Variants in AK7 observed in about 807,000 individuals in gnomAD.
The protein encoded by AK7 is ATP-AMP transphosphorylase 7.
In AK7, 78 loss-of-function variants were observed where a neutral mutation model predicts 96.6. The ratio of observed to expected loss-of-function variants is 0.81; its 90% confidence interval spans 0.67 to 0.97. The LOEUF (loss-of-function observed/expected upper bound fraction) is 0.97. AK7 is among the 50% of genes least tolerant of loss of function. The pLI, the probability that AK7 is intolerant of heterozygous loss-of-function variation, is 0.00. For synonymous variants in AK7, 302 were observed against 317.2 expected (o/e 0.95, Z 0.51); for missense variants, 855 against 887.9 (o/e 0.96, Z 0.47).
chr14:96,485,424 G>C (rs191069771), intron 16 of AK7, among the ~76,000 whole-genome samples: 2 of 152,268 alleles, frequency 1.3e-5, no homozygotes, highest in Non-Finnish European at 2.9e-5. Flanking sequence ...CACTCTCTCT[G>C]TAGGTATGTG....
rs1300361615 is a variant in AK7, at chr14:96,483,285, C to A, written c.1974+66C>A. 5.4e-6 allele frequency: 8 copies of A among 1,486,784 alleles called. No individual in the cohort carries two copies. In the East Asian group the frequency reaches 2.0e-4, roughly 37 times the overall value. The allele number at this position is 1,486,784 out of a possible 1,614,324, so 92.1% of individuals were successfully genotyped here. A position where few individuals can be genotyped will look rare whatever the true frequency, so the allele number is the denominator to read the frequency against. On this transcript the variant is annotated intron_variant, in intron 16 of 17. Transcript: ENST00000267584. ...ACAGGGGTGCGGTGCCTGGCAAAGCCATTTAGGCCAGTTCCACTTCCCATC... is the reference window on the plus strand; with the variant it reads ...ACAGGGGTGCGGTGCCTGGCAAAGCAATTTAGGCCAGTTCCACTTCCCATC...
chr14:96,447,162 G>A (rs1777705803), intron 8 of AK7, among the ~76,000 whole-genome samples: 1 of 152,130 alleles, frequency 6.6e-6, no homozygotes, highest in South Asian at 2.1e-4. Flanking sequence ...AGGTTAAGAA[G>A]ATGGCGATCA....
rs1891644740 is a variant in AK7, at chr14:96,420,869, G to C, written c.546G>C (p.Lys182Asn). The C allele has an allele frequency of 1.9e-6, 3 of 1,613,880 alleles. No individual in the cohort carries two copies. The highest frequency in any genetic ancestry group is 2.7e-5 in the African/African-American group (2 of 75,050). The change falls in exon 5 of 18, where the codon AAG (lysine) becomes AAC (asparagine). Residue 182 changes from lysine (K) to asparagine (N), a missense_variant. Physicochemically the swap from Lys to Asn is moderately conservative, Grantham distance 94. Coordinates refer to ENST00000267584, the MANE Select transcript of AK7 (RefSeq NM_152327.5). ...CTGAAGAAGATTATCGAAGAAGAAA[G>C]TCTCATCCTAATTTTCTGGACCACA... Reference protein sequence around the residue: ...PFTEEDYRRRKSHPNFLDHIN... With the variant: ...PFTEEDYRRRNSHPNFLDHIN...
Position 96,446,424 on chromosome 14 carries a change from G to A in AK7, c.780-93G>A, listed in dbSNP as rs1893236340. On this transcript the variant is annotated intron_variant, in intron 7 of 17. Transcript: ENST00000267584. The stretch of plus-strand genomic sequence containing the variant: ...AACTTATCAAAGCACCAAACCCCAC[G>A]CCCAGCCATGGGGGTGGTGGTCAGT... 17 of 1,060,550 alleles carry A rather than the reference G, an allele frequency of 1.6e-5. No individual in the cohort carries two copies. In the East Asian group the frequency reaches 1.7e-4, roughly 10 times the overall value. The allele number at this position is 1,060,550 out of a possible 1,614,324, so 65.7% of individuals were successfully genotyped here. A position where few individuals can be genotyped will look rare whatever the true frequency, so the allele number is the denominator to read the frequency against.
At chr14:96,427,260 A>C (rs976920498) in intron 5 of AK7, among the ~76,000 whole-genome samples, 1 of 152,218 alleles carries the variant, frequency 6.6e-6, no homozygotes, top group African/African-American at 2.4e-5. Context: ...ACAAACAAAA[A>C]AAAATTGGTT....
intron 1 of AK7, among the ~76,000 whole-genome samples, chr14:96,393,347 G>A (rs984153435): frequency 3.3e-5 from 5 of 152,202 alleles, no homozygotes; most frequent in African/African-American, 9.6e-5. Context: ...GCTACAGTAC[G>A]TACAATCTGT....
chr14:96,471,332 TTAA>T, intron 12 of AK7, 143 bp from the exon 13 acceptor site: 15 of 396,254 alleles, frequency 3.8e-5, no homozygotes, highest in East Asian at 4.6e-5. Flanking sequence ...CCCCGTCTCT[TTAA>T]AAAAAAAAAA....
intron 5 of AK7, among the ~76,000 whole-genome samples, chr14:96,431,563 G>T (rs1050844221): frequency 1.3e-5 from 2 of 151,796 alleles, no homozygotes; most frequent in African/African-American, 4.8e-5. Context: ...CATGTTATGC[G>T]GTTTTGAGTG....
chr14:96,425,956 C>A (rs887154001), intron 5 of AK7, among the ~76,000 whole-genome samples: 1 of 152,026 alleles, frequency 6.6e-6, no homozygotes, highest in Non-Finnish European at 1.5e-5. Context: ...TTGTTTTTTT[C>A]ATCAATTCAG....
intron 5 of AK7, among the ~76,000 whole-genome samples, chr14:96,436,823 T>C (rs1356636556): frequency 2.6e-5 from 4 of 152,058 alleles, no homozygotes; most frequent in Admixed American, 2.0e-4. Context: ...CTACTGTGCA[T>C]TTCACCTTCC....
At chr14:96,397,619 T>G (rs1408603195) in intron 1 of AK7, among the ~76,000 whole-genome samples, 2 of 151,938 alleles carry the variant, frequency 1.3e-5, no homozygotes, top group Non-Finnish European at 2.9e-5. Context: ...AATTTAAAAC[T>G]ACATAAGTGC....
At chr14:96,466,382 GC>G (rs1473826151) in intron 12 of AK7, among the ~76,000 whole-genome samples, 1 of 151,834 alleles carries the variant, frequency 6.6e-6, no homozygotes, top group Non-Finnish European at 1.5e-5. Flanking sequence ...GACTACAGGC[GC>G]CCGCCACCAC....
chr14:96,471,450 A>C (rs1429306715), intron 12 of AK7, 28 bp from the exon 13 acceptor site: 12 of 1,251,058 alleles, frequency 9.6e-6, no homozygotes, highest in Non-Finnish European at 1.2e-5. Context: ...CATTATAAGT[A>C]ATATATACAT....
At position 96,398,117 on chromosome 14, in the gene AK7, A is replaced by G. The variant is rs1236134849; in HGVS notation, c.148A>G (p.Thr50Ala). The change falls in exon 2 of 18, where the codon ACA becomes GCA. Residue 50 changes from threonine (T) to alanine (A), a missense_variant. Physicochemically the swap from Thr to Ala is moderately conservative, Grantham distance 58 (BLOSUM62 0). Coordinates refer to ENST00000267584, the MANE Select transcript of AK7 (RefSeq NM_152327.5). ...AGTTGGGGCTTCGCTTGAAGAAATT[A>G]CAGAGGAAGAGGAAGAGGAAGATGA... ...CVVGASLEEI[T>A]EEEEEEDENK... 1.2e-6 allele frequency: 2 copies of G among 1,614,024 alleles called. No homozygotes were observed. Among genetic ancestry groups the G allele is most frequent in the African/African-American group, 2.7e-5 (2 of 74,926 alleles).
chr14:96,458,434 A>G (rs1486532433), intron 12 of AK7, among the ~76,000 whole-genome samples: 1 of 151,832 alleles, frequency 6.6e-6, no homozygotes, highest in Non-Finnish European at 1.5e-5. Context: ...CATCTCTACA[A>G]AAAAATACAA....
intron 4 of AK7, among the ~76,000 whole-genome samples, chr14:96,416,149 C>A (rs1034438319): frequency 2.6e-5 from 4 of 152,026 alleles, no homozygotes; most frequent in African/African-American, 9.7e-5. Context: ...ATTGGGAAGC[C>A]GAGGCAGGTG....
chr14:96,458,929 A>G (rs1286343376), intron 12 of AK7, among the ~76,000 whole-genome samples: 8 of 140,912 alleles, frequency 5.7e-5, no homozygotes, highest in South Asian at 4.5e-4. Flanking sequence ...AAAAAAAAAA[A>G]AAAAAAAAAG....
chr14:96,447,039 G>C (rs1164047144), intron 8 of AK7, among the ~76,000 whole-genome samples: 1 of 152,184 alleles, frequency 6.6e-6, no homozygotes, highest in African/African-American at 2.4e-5. Context: ...AAGAATATCC[G>C]TAAAACCCAA....
intron 5 of AK7, among the ~76,000 whole-genome samples, chr14:96,426,544 C>A (rs12232140): frequency 0.33 from 49,564 of 151,988 alleles, 8,389 homozygotes; most frequent in Middle Eastern, 0.39. Flanking sequence ...TCATTAATGT[C>A]TTTTTCTTTC....
Sources: allele counts gnomAD v4.1 joint callset (sites outside exome capture counted in the v4.1 genomes callset), GRCh38; gene constraint gnomAD v4.1.1; transcripts MANE v1.5; gene names NCBI Gene and HGNC (gene_info 2026-07-23, HGNC 2026-07-21).